PLCG2: variants seen among roughly 807,000 people sequenced by gnomAD.
PLCG2 encodes the protein phospholipase C gamma 2.
Under a neutral mutation model 175.6 loss-of-function variants are expected in PLCG2, and 69 were observed. The ratio of observed to expected loss-of-function variants is 0.39; its 90% confidence interval spans 0.32 to 0.48. The LOEUF (loss-of-function observed/expected upper bound fraction) is 0.48, where lower values mean the gene tolerates loss of function less well. Ranked by LOEUF, PLCG2 falls within the 20% of genes least tolerant of loss-of-function variation. The pLI, the probability that PLCG2 is intolerant of heterozygous loss-of-function variation, is 0.91. For missense variants in PLCG2, 1,798 were observed against 1,650.9 expected (o/e 1.09, Z -1.54); for synonymous variants, 827 against 624.0 (o/e 1.33, Z -4.85).
intron 31 of PLCG2, among the ~76,000 whole-genome samples, chr16:81,949,428 A>C (rs1207010670): frequency 1.3e-5 from 2 of 152,204 alleles, no homozygotes; most frequent in Non-Finnish European, 2.9e-5. Context: ...CTAATATCAG[A>C]CTTGTCCTCT....
At chr16:81,900,426 T>A (rs766987601) in intron 13 of PLCG2, among the ~76,000 whole-genome samples, 186 bp from the exon 14 acceptor site, 1 of 152,218 alleles carries the variant, frequency 6.6e-6, no homozygotes, top group African/African-American at 2.4e-5. Flanking sequence ...CTGTTCTGAG[T>A]CCCAAGACTT....
intron 2 of PLCG2, among the ~76,000 whole-genome samples, chr16:81,791,058 T>G (rs965315809): frequency 1.3e-5 from 2 of 152,206 alleles, no homozygotes; most frequent in African/African-American, 4.8e-5. Context: ...GGATGGAATT[T>G]TCTCATTTGT....
rs1335323001 is a variant in PLCG2, at chr16:81,960,885, T to C, written c.*2887T>C. The C allele has an allele frequency of 4.4e-6, 1 of 229,474 alleles. No homozygotes were observed. Among genetic ancestry groups the C allele is most frequent in the Non-Finnish European group, 8.6e-6 (1 of 115,800 alleles). 14.2% of individuals were successfully genotyped at this position (229,474 alleles called of 1,614,324 possible). ...GGGAGCAGTGTTCAGAGCCTCATCT[T>C]CCTGTTATATTCTTCTCTAAGATTC... is the stretch of plus-strand genomic sequence containing the variant. On this transcript the variant is annotated 3_prime_UTR_variant, in exon 33 of 33. Transcript: ENST00000564138.
At chr16:81,951,328 G>T (rs1911357689) in intron 31 of PLCG2, among the ~76,000 whole-genome samples, 1 of 152,136 alleles carries the variant, frequency 6.6e-6, no homozygotes, top group Admixed American at 6.5e-5. Flanking sequence ...ACATGTAAGA[G>T]TAAATACTGG....
intron 5 of PLCG2, among the ~76,000 whole-genome samples, chr16:81,867,113 G>A (rs370428551): frequency 6.6e-6 from 1 of 152,354 alleles, no homozygotes; most frequent in East Asian, 1.9e-4. Context: ...TAGAACCAGA[G>A]GAAAGGCTGG....
chr16:81,780,659 C>G (rs1910688227), intron 1 of PLCG2, among the ~76,000 whole-genome samples: 1 of 152,176 alleles, frequency 6.6e-6, no homozygotes, highest in South Asian at 2.1e-4. Flanking sequence ...AGTGGAAAAG[C>G]ACAGACCCCA....
intron 2 of PLCG2, among the ~76,000 whole-genome samples, chr16:81,795,227 G>A (rs984330628): frequency 6.6e-6 from 1 of 152,152 alleles, no homozygotes; most frequent in Non-Finnish European, 1.5e-5. Flanking sequence ...CGTGATAGAC[G>A]CTAGGAAGGA....
chr16:81,768,717 C>G (rs1220606393), intron 2 of PLCG2, among the ~76,000 whole-genome samples: 1 of 151,982 alleles, frequency 6.6e-6, no homozygotes, highest in Non-Finnish European at 1.5e-5. Flanking sequence ...AGGTTTCCCC[C>G]ACCATACCTG....
chr16:81,782,154 T>G (rs9944351), intron 1 of PLCG2, among the ~76,000 whole-genome samples: 128,307 of 151,736 alleles, frequency 0.85, 54,317 homozygotes, highest in South Asian at 0.95. Flanking sequence ...GGAATTACAG[T>G]CATAAGCCAC....
intron 22 of PLCG2, among the ~76,000 whole-genome samples, chr16:81,926,354 G>C (rs1435083526): frequency 6.6e-6 from 1 of 152,198 alleles, no homozygotes; most frequent in East Asian, 1.9e-4. Context: ...AATAGCTCAA[G>C]AGATGGGCAG....
chr16:81,863,640 G>A (rs1260013873), intron 5 of PLCG2, among the ~76,000 whole-genome samples: 2 of 152,198 alleles, frequency 1.3e-5, no homozygotes, highest in Non-Finnish European at 2.9e-5. Context: ...TTATTTTGCC[G>A]GATTGCTATA....
At chr16:81,757,625 T>C (rs553798859) in intron 2 of PLCG2, among the ~76,000 whole-genome samples, 1 of 152,246 alleles carries the variant, frequency 6.6e-6, no homozygotes, top group African/African-American at 2.4e-5. Context: ...CCTCCAGCAC[T>C]TCCTATTTTT....
chr16:81,933,539 G>A (rs1389866813), intron 25 of PLCG2, among the ~76,000 whole-genome samples: 1 of 151,740 alleles, frequency 6.6e-6, no homozygotes, highest in Non-Finnish European at 1.5e-5. Flanking sequence ...AGGGGTGACA[G>A]CTGCAGGCCT....
At position 81,806,083 on chromosome 16, in the gene PLCG2, T is replaced by C. The variant is rs1216312041; in HGVS notation, c.193+19901T>C. Among the ~76,000 whole-genome samples the C allele has an allele frequency of 2.6e-5, 4 of 152,118 alleles. No individual in the cohort carries two copies. In the East Asian group the frequency reaches 7.7e-4, roughly 29 times the overall value. On this transcript the variant is annotated intron_variant, in intron 2 of 32. Transcript: ENST00000564138. The stretch of plus-strand genomic sequence containing the variant: ...GTATGCAATATAATTATTAACGAGA[T>C]ATTTGATTCTGGTTTTTGGTCTGTG...
At chr16:81,917,880 C>T (rs1486853459) in intron 19 of PLCG2, among the ~76,000 whole-genome samples, 5 of 152,142 alleles carry the variant, frequency 3.3e-5, no homozygotes, top group Non-Finnish European at 5.9e-5. Context: ...CGCCACTGCG[C>T]CCAGCTAATT....
In PLCG2 at chr16:81,961,727, TATATTA is replaced by T. The variant is rs1312547397; in HGVS notation, c.*3731_*3736del. ...AGATCATAGTATCTATCAAATAACT[TATATTA>T]AGAACCTCCTGGGCTAAATTTAAAA... On this transcript the variant is annotated 3_prime_UTR_variant, in exon 33 of 33. Transcript: ENST00000564138. The T allele has an allele frequency of 4.8e-6, 1 of 206,216 alleles. No homozygotes were observed. Among genetic ancestry groups the T allele is most frequent in the African/African-American group, 2.3e-5 (1 of 43,818 alleles). The allele number at this position is 206,216 out of a possible 1,614,324, so 12.8% of individuals were successfully genotyped here.
In PLCG2 at chr16:81,935,000, C is replaced by G. The variant is rs560181132; in HGVS notation, c.2842+469C>G. On this transcript the variant is annotated intron_variant, in intron 26 of 32. Coordinates refer to ENST00000564138, the MANE Select transcript of PLCG2 (RefSeq NM_002661.5). ...CGTGGGAATTATGGGAGCTACAATT[C>G]AAGGTGAGATTTGGGTGGGGACACA... Among the ~76,000 whole-genome samples the G allele has an allele frequency of 1.5e-4, 20 of 137,844 alleles. No homozygotes were observed. The East Asian group carries it at 4.5e-3, about 31-fold the overall frequency. 90.4% of individuals were successfully genotyped at this position (137,844 alleles called of 152,430 possible). A position where few individuals can be genotyped will look rare whatever the true frequency, so the allele number is the denominator to read the frequency against.
chr16:81,893,534 C>T (rs1306544675), intron 11 of PLCG2, among the ~76,000 whole-genome samples, 175 bp from the exon 12 acceptor site: 4 of 152,306 alleles, frequency 2.6e-5, no homozygotes, highest in South Asian at 4.1e-4. Context: ...CCAGTGTGAC[C>T]GTGGGATTGT....
intron 2 of PLCG2, among the ~76,000 whole-genome samples, chr16:81,845,056 G>A (rs546202688): frequency 1.5e-4 from 23 of 152,308 alleles, no homozygotes; most frequent in East Asian, 1.9e-4. Flanking sequence ...AACTTCTTGA[G>A]TAGCTGAGAC....
Sources: allele counts gnomAD v4.1 joint callset (sites outside exome capture counted in the v4.1 genomes callset), GRCh38; gene constraint gnomAD v4.1.1; transcripts MANE v1.5; gene names NCBI Gene and HGNC (gene_info 2026-07-23, HGNC 2026-07-21).